The following FAM13A variants were observed in gnomAD, a reference collection of about 807,000 sequenced individuals.
The protein encoded by FAM13A is family with sequence similarity 13 member A, also known as protein FAM13A.
Under a neutral mutation model 129.6 loss-of-function variants are expected in FAM13A, and 76 were observed. The ratio of observed to expected loss-of-function variants is 0.59; its 90% confidence interval spans 0.49 to 0.71. FAM13A has a LOEUF of 0.71. Ranked by LOEUF, FAM13A falls within the 30% of genes least tolerant of loss-of-function variation. The pLI is 0.00. For synonymous variants in FAM13A, 443 were observed against 449.9 expected (o/e 0.98, Z 0.20); for missense variants, 1,108 against 1,249.3 (o/e 0.89, Z 1.70).
In FAM13A at chr4:88,726,611, C is replaced by T. The variant is rs1736520459; in HGVS notation, c.*1922G>A. 1 of 151,532 alleles carries T rather than the reference C, an allele frequency of 6.6e-6. No homozygotes were observed. Among genetic ancestry groups the T allele is most frequent in the African/African-American group, 2.4e-5 (1 of 40,910 alleles). The allele number at this position is 151,532 out of a possible 1,614,324, so 9.4% of individuals were successfully genotyped here. ...TAATATCATAGCTTATTTAAGAGAG[C>T]TATTAAAGGACAGACTAGACATGTA... On this transcript the variant is annotated 3_prime_UTR_variant, in exon 24 of 24. Transcript: ENST00000264344.
At chr4:88,884,082 AAAG>A (rs1289397013) in intron 6 of FAM13A, among the ~76,000 whole-genome samples, 39 of 152,188 alleles carry the variant, frequency 2.6e-4, no homozygotes, top group Non-Finnish European at 1.0e-4. Flanking sequence ...TCAGACATTC[AAAG>A]AAGAATTGGT....
chr4:88,743,551 A>G (rs1740664795), intron 19 of FAM13A, among the ~76,000 whole-genome samples: 1 of 152,224 alleles, frequency 6.6e-6, no homozygotes, highest in African/African-American at 2.4e-5. Context: ...TCCAGATCCC[A>G]GGTTTATGAA....
At chr4:88,854,984 C>T (rs1380038122) in intron 6 of FAM13A, among the ~76,000 whole-genome samples, 7 of 152,032 alleles carry the variant, frequency 4.6e-5, no homozygotes, top group African/African-American at 1.7e-4. Flanking sequence ...TCAAAACCAC[C>T]CAAGGAGTCA....
chr4:88,737,404 C>CGGAGG (rs1338925241), intron 21 of FAM13A, 68 bp downstream of exon 21: 7 of 1,331,288 alleles, frequency 5.3e-6, no homozygotes, highest in Non-Finnish European at 7.6e-6. Flanking sequence ...TTCCATTCAC[C>CGGAGG]GGAGGGGAGG....
chr4:88,955,433 C>G (rs1757598269), intron 4 of FAM13A, among the ~76,000 whole-genome samples: 1 of 152,154 alleles, frequency 6.6e-6, no homozygotes, highest in African/African-American at 2.4e-5. Flanking sequence ...ATTACCCAGT[C>G]TCGGGTATGT....
intron 7 of FAM13A, chr4:88,822,959 A>G: frequency 6.2e-7 from 1 of 1,611,812 alleles, no homozygotes; most frequent in Non-Finnish European, 8.5e-7. Context: ...GAATAAAATA[A>G]AATAGGAAAA....
chr4:88,969,382 A>G (rs1279352673), intron 4 of FAM13A, among the ~76,000 whole-genome samples: 1 of 152,190 alleles, frequency 6.6e-6, no homozygotes, highest in Non-Finnish European at 1.5e-5. Context: ...GCTCATGTGT[A>G]GAAATGATCA....
chr4:88,907,995 G>A (rs1003158044), intron 5 of FAM13A, among the ~76,000 whole-genome samples: 11 of 152,226 alleles, frequency 7.2e-5, no homozygotes, highest in Admixed American at 5.9e-4. Context: ...TCAGGTTTGT[G>A]CTAGGGACAA....
At chr4:89,032,950 G>T (rs1768899745) in intron 1 of FAM13A, among the ~76,000 whole-genome samples, 1 of 152,152 alleles carries the variant, frequency 6.6e-6, no homozygotes, top group African/African-American at 2.4e-5. Context: ...CTAACAAGAT[G>T]GGTGACAGCA....
intron 5 of FAM13A, among the ~76,000 whole-genome samples, chr4:88,916,086 T>C (rs1222764793): frequency 6.6e-6 from 1 of 152,168 alleles, no homozygotes; most frequent in East Asian, 1.9e-4. Context: ...CTAGCACACT[T>C]AGCCCCCTAA....
intron 7 of FAM13A, among the ~76,000 whole-genome samples, chr4:88,844,158 T>C (rs530857516): frequency 3.8e-4 from 58 of 152,270 alleles, no homozygotes; most frequent in African/African-American, 1.4e-3. Context: ...CCCTCAGTAC[T>C]AGCGTGGACA....
intron 10 of FAM13A, among the ~76,000 whole-genome samples, chr4:88,783,001 A>G (rs1723246932): frequency 6.6e-6 from 1 of 151,780 alleles, no homozygotes; most frequent in East Asian, 1.9e-4. Context: ...TTGTGTGTAC[A>G]CGGTAGGTGT....
chr4:89,036,826 G>A (rs774252115), intron 1 of FAM13A, among the ~76,000 whole-genome samples: 8 of 152,214 alleles, frequency 5.3e-5, no homozygotes, highest in Admixed American at 1.3e-4. Context: ...CCCAAGATAC[G>A]TCTCAGGCCA....
Position 88,948,414 on chromosome 4 carries a change from A to G in FAM13A, c.606-10173T>C, listed in dbSNP as rs188478647. Among the ~76,000 whole-genome samples, 14 of 152,260 alleles carry G rather than the reference A, an allele frequency of 9.2e-5. No homozygotes were observed. In the East Asian group the frequency reaches 2.7e-3, roughly 29 times the overall value. ...TGGGGTCAGAAAACAGTCAGAAGTT[A>G]CCAGTGGCTGGGGTAAGAGGAGGAG... is the stretch of plus-strand genomic sequence containing the variant. On this transcript the variant is annotated intron_variant, in intron 4 of 23. Coordinates refer to ENST00000264344, the MANE Select transcript of FAM13A (RefSeq NM_014883.4).
chr4:88,979,379 G>T (rs960297969), intron 4 of FAM13A, among the ~76,000 whole-genome samples: 17 of 152,168 alleles, frequency 1.1e-4, no homozygotes, highest in Non-Finnish European at 1.5e-5. Context: ...GTATGTTCAA[G>T]AATAGTTCCT....
intron 4 of FAM13A, among the ~76,000 whole-genome samples, chr4:88,948,204 G>T (rs1373774364): frequency 6.6e-6 from 1 of 152,066 alleles, no homozygotes; most frequent in African/African-American, 2.4e-5. Context: ...CAGGATCCTG[G>T]GTTAGAAAAT....
intron 4 of FAM13A, among the ~76,000 whole-genome samples, chr4:88,946,020 ATATG>A (rs1755775798): frequency 7.9e-6 from 1 of 126,284 alleles, no homozygotes; most frequent in Non-Finnish European, 1.7e-5. Flanking sequence ...ATATATATAT[ATATG>A]TAATCCAAAT....
Position 88,728,485 on chromosome 4 carries a change from A to G in FAM13A, c.*48T>C, listed in dbSNP as rs767370996. 3.1e-6 allele frequency: 5 copies of G among 1,611,898 alleles called. No individual in the cohort carries two copies. The highest frequency in any genetic ancestry group is 4.2e-6 in the Non-Finnish European group (5 of 1,179,238). Reference sequence around the variant, plus strand: ...CCAGAGCTGCACTTTCTCTGGGGACAGTAAACTCTCACCGCAGCTGCCAGC... The same window carrying G: ...CCAGAGCTGCACTTTCTCTGGGGACGGTAAACTCTCACCGCAGCTGCCAGC... On this transcript the variant is annotated 3_prime_UTR_variant, in exon 24 of 24. Transcript: ENST00000264344.
In FAM13A at chr4:88,992,446, T is replaced by C. The variant is rs186222064; in HGVS notation, c.428-1296A>G. 8.5e-4 allele frequency among the ~76,000 whole-genome samples: 130 copies of C among 152,228 alleles called. 2 individuals carry two copies. In the East Asian group the frequency reaches 0.025, roughly 29 times the overall value. ...CCACCATGCCCGGCTAATTTTTGTA[T>C]TTTTAGTAGAGACGGCATTTCACCA... is the stretch of plus-strand genomic sequence containing the variant. On this transcript the variant is annotated intron_variant, in intron 3 of 23. Transcript: ENST00000264344.
Sources: gnomAD v4.1 joint callset for allele counts (sites outside exome capture counted in the v4.1 genomes callset) on GRCh38, gnomAD v4.1.1 for gene constraint, MANE v1.5 for transcripts, NCBI Gene and HGNC (gene_info 2026-07-23, HGNC 2026-07-21) for gene names.